The following NBL1 variants were observed in gnomAD, a reference collection of about 807,000 sequenced individuals.
The protein encoded by NBL1 is NBL1, DAN family BMP antagonist.
In NBL1, 9 loss-of-function variants were observed where a neutral mutation model predicts 16.0. The observed-to-expected ratio is 0.56, with a 90% CI of 0.34 to 0.98. NBL1 has a LOEUF of 0.98. Among genes scored for constraint, NBL1 ranks in the 50% least tolerant of loss-of-function variants. The probability of loss-of-function intolerance (pLI) is 0.02; values close to 1 mark genes in which losing one functional copy is unlikely to be tolerated. For missense variants in NBL1, 196 were observed against 243.1 expected (o/e 0.81, Z 1.29); for synonymous variants, 86 against 100.7 (o/e 0.85, Z 0.87).
upstream of NBL1, chr1:19,643,593 C>T: frequency 7.1e-7 from 1 of 1,400,140 alleles, no homozygotes; most frequent in East Asian, 2.7e-5. The surrounding 1 kb of genome is among the most constrained non-coding windows in gnomAD (Gnocchi z 4.7). Flanking sequence ...GAAGCTGGGG[C>T]CAGGAGCTCC....
chr1:19,654,962 G>C, intron 1 of NBL1, 50 bp from the exon 2 acceptor site: 2 of 1,501,940 alleles, frequency 1.3e-6, no homozygotes, highest in Non-Finnish European at 1.8e-6. Flanking sequence ...ACCACTACCC[G>C]GCCCCCTGCA....
At position 19,644,408 on chromosome 1, in the gene NBL1, C is replaced by T. The variant is rs1371736488; in HGVS notation, c.-58C>T. On this transcript the variant is annotated 5_prime_UTR_variant, in exon 1 of 4. Coordinates refer to ENST00000375136, the MANE Select transcript of NBL1 (RefSeq NM_005380.8). The surrounding 1 kb of genome is among the most constrained non-coding windows in gnomAD (Gnocchi z 4.6). ...CCTCCTGGGGCGCCCGGGCCCGCGA[C>T]CCCCGCACCCAGCTCCGCAGGACCG... 2 of 978,960 alleles carry T rather than the reference C, an allele frequency of 2.0e-6. No homozygotes were observed. The highest frequency in any genetic ancestry group is 2.4e-6 in the Non-Finnish European group (2 of 827,348). The allele number at this position is 978,960 out of a possible 1,614,324, so 60.6% of individuals were successfully genotyped here.
In NBL1 at chr1:19,657,434, G is replaced by C. The variant is rs112984228; in HGVS notation, c.*305G>C. 431 of 189,248 alleles carry C rather than the reference G, an allele frequency of 2.3e-3. 3 individuals are homozygous for C. Among genetic ancestry groups the C allele is most frequent in the African/African-American group, 9.5e-3 (407 of 42,780 alleles). The allele number at this position is 189,248 out of a possible 1,614,324, so 11.7% of individuals were successfully genotyped here. ...TGCCTGTGGGAGGGGGAGGAAGTTG[G>C]CTGAGCCATTGAGTGCTGGGGGAGG... is the stretch of plus-strand genomic sequence containing the variant. On this transcript the variant is annotated 3_prime_UTR_variant, in exon 4 of 4. Transcript: ENST00000375136.
At chr1:19,656,789 A>G in intron 3 of NBL1, 77 bp from the exon 4 acceptor site, 6 of 1,488,502 alleles carry the variant, frequency 4.0e-6, no homozygotes, top group Non-Finnish European at 4.5e-6. Flanking sequence ...TCCCATGAGG[A>G]AGTATTACCC....
intron 1 of NBL1, among the ~76,000 whole-genome samples, chr1:19,649,405 C>T (rs1465150314): frequency 6.6e-6 from 1 of 152,074 alleles, no homozygotes; most frequent in Non-Finnish European, 1.5e-5. Context: ...GTCCCCCAGG[C>T]TGGAGTGCAG....
intron 1 of NBL1, among the ~76,000 whole-genome samples, chr1:19,647,099 A>C (rs12143032): frequency 0.069 from 10,490 of 152,246 alleles, 503 homozygotes; most frequent in Non-Finnish European, 0.094. Flanking sequence ...TTTAATTGTC[A>C]CAGCTGTCCT....
chr1:19,649,347 A>AATT (rs36030380), intron 1 of NBL1, among the ~76,000 whole-genome samples: 76,414 of 148,374 alleles, frequency 0.52, 20,069 homozygotes, highest in Middle Eastern at 0.57. Context: ...GCTGCCATAA[A>AATT]ATTATTATTA....
rs909263810 is a variant in NBL1 at position 19,644,578 on chromosome 1, C to T, written c.-20+132C>T. The T allele has an allele frequency of 7.0e-5, 31 of 445,666 alleles. 2 individuals are homozygous for T. The East Asian group carries it at 4.0e-3, about 58-fold the overall frequency. 27.6% of individuals were successfully genotyped at this position (445,666 alleles called of 1,614,324 possible). A position where few individuals can be genotyped will look rare whatever the true frequency, so the allele number is the denominator to read the frequency against. On this transcript the variant is annotated intron_variant, in intron 1 of 3. Coordinates refer to ENST00000375136, the MANE Select transcript of NBL1 (RefSeq NM_005380.8). This position sits in a 1 kb window ranked among gnomAD's most constrained non-coding sequence, Gnocchi z 4.6. ...CGGCCGCGGGCACCGGGTGGAGGCG[C>T]CGCCGCCGAGCTCAGGAGCCCTGGG...
chr1:19,657,365 T>G lies in NBL1; in HGVS notation c.*236T>G. ...AGGAAGCAGAGGTCTTCAGGGCTCT[T>G]TTTTTGGGGGGGGTGGTCTCTTCCT... is the stretch of plus-strand genomic sequence containing the variant. On this transcript the variant is annotated 3_prime_UTR_variant, in exon 4 of 4. Transcript: ENST00000375136. The G allele has an allele frequency of 5.7e-6, 1 of 176,678 alleles. No individual in the cohort carries two copies. Among genetic ancestry groups the G allele is most frequent in the Non-Finnish European group, 1.0e-5 (1 of 99,464 alleles). The allele number at this position is 176,678 out of a possible 1,614,324, so 10.9% of individuals were successfully genotyped here.
chr1:19,652,408 G>A (rs762191791), intron 1 of NBL1, among the ~76,000 whole-genome samples: 3 of 152,194 alleles, frequency 2.0e-5, no homozygotes, highest in Non-Finnish European at 4.4e-5. Flanking sequence ...CAGCAAGACC[G>A]GAAATGCGTG....
In NBL1 at chr1:19,657,033, T is replaced by TCACCCCCATCCC. The variant is rs1470447874; in HGVS notation, c.462_473dup (p.His155_Pro158dup). ...CGGGATCCCAGCCCGGCACCCACCCTCACCCCCATCCCCACCCCCATCCTG... is the reference window on the plus strand; with the variant it reads ...CGGGATCCCAGCCCGGCACCCACCCTCACCCCCATCCCCACCCCCATCCCCACCCCCATCCTG... On this transcript the variant is annotated inframe_insertion, in exon 4 of 4. Transcript: ENST00000375136. 1 of 1,348,702 alleles carries TCACCCCCATCCC rather than the reference T, an allele frequency of 7.4e-7. No individual in the cohort carries two copies. Among genetic ancestry groups the TCACCCCCATCCC allele is most frequent in the Admixed American group, 2.2e-5 (1 of 45,186 alleles). The allele number at this position is 1,348,702 out of a possible 1,614,324, so 83.5% of individuals were successfully genotyped here.
chr1:19,644,201 C>T (rs1056575890), upstream of NBL1: 1 of 978,260 alleles, frequency 1.0e-6, no homozygotes, highest in Non-Finnish European at 1.2e-6. This position sits in a 1 kb window ranked among gnomAD's most constrained non-coding sequence, Gnocchi z 4.6. Context: ...CGCGCCCGCC[C>T]GCTCTTTCTG....
chr1:19,644,176 G>C (rs1247092752), upstream of NBL1: 1 of 980,186 alleles, frequency 1.0e-6, no homozygotes, highest in African/African-American at 1.8e-5. The surrounding 1 kb of genome is among the most constrained non-coding windows in gnomAD (Gnocchi z 4.6). Flanking sequence ...TGCGCACCCG[G>C]AGGGAGAGGC....
At chr1:19,643,452 T>C (rs772530996), upstream of NBL1, 6 of 1,606,366 alleles carry the variant, frequency 3.7e-6, no homozygotes, top group Non-Finnish European at 5.1e-6. The surrounding 1 kb of genome is among the most constrained non-coding windows in gnomAD (Gnocchi z 4.7). Flanking sequence ...CCCAGTGGTG[T>C]CCCTGGGCCA....
upstream of NBL1, chr1:19,643,551 C>A: frequency 6.9e-7 from 1 of 1,447,710 alleles, no homozygotes; most frequent in Non-Finnish European, 9.1e-7. This position sits in a 1 kb window ranked among gnomAD's most constrained non-coding sequence, Gnocchi z 4.7. Flanking sequence ...CAAGTGCCCA[C>A]TGATTAGATA....
intron 1 of NBL1, among the ~76,000 whole-genome samples, chr1:19,653,215 G>A (rs1416082843): frequency 1.3e-5 from 2 of 151,482 alleles, no homozygotes; most frequent in Non-Finnish European, 2.9e-5. Flanking sequence ...GAACCCAGGA[G>A]GCGGAGCTTG....
In NBL1 at chr1:19,657,441, C is replaced by T; in HGVS notation, c.*312C>T. 1 of 180,712 alleles carries T rather than the reference C, an allele frequency of 5.5e-6. No individual in the cohort carries two copies. The allele number at this position is 180,712 out of a possible 1,614,324, so 11.2% of individuals were successfully genotyped here. On this transcript the variant is annotated 3_prime_UTR_variant, in exon 4 of 4. Transcript: ENST00000375136. ...GGGAGGGGGAGGAAGTTGGCTGAGCCATTGAGTGCTGGGGGAGGCCATCCA... is the reference window on the plus strand; with the variant it reads ...GGGAGGGGGAGGAAGTTGGCTGAGCTATTGAGTGCTGGGGGAGGCCATCCA...
At chr1:19,647,882 T>TGTGC (rs1273943458) in intron 1 of NBL1, among the ~76,000 whole-genome samples, 13 of 137,082 alleles carry the variant, frequency 9.5e-5, no homozygotes, top group African/African-American at 3.4e-4. Context: ...TGTGTGTGTG[T>TGTGC]GCGTGTGCGC....
chr1:19,654,974 C>G (rs770380450), intron 1 of NBL1, 38 bp from the exon 2 acceptor site: 3 of 1,524,842 alleles, frequency 2.0e-6, no homozygotes, highest in Non-Finnish European at 2.6e-6. Context: ...CCCCCTGCAC[C>G]TTGCTGTGCC....
Sources: gnomAD v4.1 joint callset for allele counts (sites outside exome capture counted in the v4.1 genomes callset) on GRCh38, gnomAD v4.1.1 for gene constraint, Gnocchi (gnomAD v3.1) non-coding constraint, MANE v1.5 for transcripts, NCBI Gene and HGNC (gene_info 2026-07-23, HGNC 2026-07-21) for gene names.